Variants in PITPNC1 observed in about 807,000 individuals in gnomAD.
PITPNC1 encodes cytoplasmic phosphatidylinositol transfer protein 1.
A neutral mutation model predicts 44.7 loss-of-function variants in PITPNC1; 18 were observed. The observed-to-expected ratio is 0.40, with a 90% CI of 0.28 to 0.60. The LOEUF (loss-of-function observed/expected upper bound fraction) is 0.60, where lower values mean the gene tolerates loss of function less well. Ranked by LOEUF, PITPNC1 falls within the 20% of genes least tolerant of loss-of-function variation. The pLI is 0.39. For missense variants in PITPNC1, 290 were observed against 418.4 expected (o/e 0.69, Z 2.68); for synonymous variants, 141 against 149.6 (o/e 0.94, Z 0.42).
chr17:67,490,964 G>A (rs1325760369), intron 1 of PITPNC1, among the ~76,000 whole-genome samples: 2 of 152,174 alleles, frequency 1.3e-5, no homozygotes, highest in Admixed American at 6.5e-5. Flanking sequence ...GTTTTGTTTT[G>A]TTTTGTTTTC....
intron 6 of PITPNC1, among the ~76,000 whole-genome samples, chr17:67,633,635 C>T (rs951738104): frequency 6.6e-6 from 1 of 152,270 alleles, no homozygotes; most frequent in Non-Finnish European, 1.5e-5. Flanking sequence ...ACGCTCCCTA[C>T]GTAACTGTGG....
chr17:67,614,002 C>A (rs1474423763), intron 5 of PITPNC1, among the ~76,000 whole-genome samples: 1 of 149,416 alleles, frequency 6.7e-6, no homozygotes, highest in East Asian at 2.0e-4. Flanking sequence ...GGGAGGATCA[C>A]CTGAGCCTAG....
Position 67,694,974 on chromosome 17 carries a change from T to C in PITPNC1, c.*2086T>C, listed in dbSNP as rs2042987072. 6.6e-6 allele frequency: 1 copy of C among 152,244 alleles called. No individual in the cohort carries two copies. Among genetic ancestry groups the C allele is most frequent in the African/African-American group, 2.4e-5 (1 of 41,466 alleles). The allele number at this position is 152,244 out of a possible 1,614,324, so 9.4% of individuals were successfully genotyped here. ...GAATGTATTTATTTTGTGCAGGCTG[T>C]TAAACACATCTGGCACCTAGTTTTT... On this transcript the variant is annotated 3_prime_UTR_variant, in exon 9 of 9. Transcript: ENST00000581322.
chr17:67,477,241 CTTTTTTTTTTTT>C (rs3052411), intron 1 of PITPNC1, among the ~76,000 whole-genome samples: 3 of 97,014 alleles, frequency 3.1e-5, no homozygotes, highest in Non-Finnish European at 5.9e-5. Context: ...ACACCCAGCT[CTTTTTTTTTTTT>C]TTTTTTTTTT....
intron 2 of PITPNC1, among the ~76,000 whole-genome samples, chr17:67,544,207 G>T (rs1237533337): frequency 6.6e-6 from 1 of 152,148 alleles, no homozygotes; most frequent in African/African-American, 2.4e-5. Context: ...GCCTTGACAC[G>T]TCTTCAAAAA....
At chr17:67,584,063 C>T (rs2041277733) in intron 5 of PITPNC1, among the ~76,000 whole-genome samples, 2 of 151,786 alleles carry the variant, frequency 1.3e-5, no homozygotes, top group Admixed American at 1.3e-4. Flanking sequence ...TACAGTTCCC[C>T]CAGGTGAATC....
intron 5 of PITPNC1, among the ~76,000 whole-genome samples, chr17:67,583,094 G>A (rs1365117074): frequency 1.3e-5 from 2 of 152,158 alleles, no homozygotes; most frequent in African/African-American, 2.4e-5. Flanking sequence ...GGTCCTGGGC[G>A]CAGGCTGGTC....
chr17:67,503,867 A>G (rs2040067765), intron 1 of PITPNC1, among the ~76,000 whole-genome samples: 1 of 152,206 alleles, frequency 6.6e-6, no homozygotes, highest in African/African-American at 2.4e-5. Context: ...AGTTCAGTTA[A>G]TGAAAACACA....
chr17:67,419,480 G>C (rs557826496), intron 1 of PITPNC1, among the ~76,000 whole-genome samples: 2 of 152,132 alleles, frequency 1.3e-5, no homozygotes, highest in Non-Finnish European at 2.9e-5. Context: ...TTTAATGTAA[G>C]AGCTGGCCCG....
Position 67,619,291 on chromosome 17 carries a change from G to A in PITPNC1, c.367-12852G>A, listed in dbSNP as rs1318801172. Among the ~76,000 whole-genome samples, 5 of 152,218 alleles carry A rather than the reference G, an allele frequency of 3.3e-5. No individual in the cohort carries two copies. The East Asian group carries it at 9.7e-4, about 29-fold the overall frequency. On this transcript the variant is annotated intron_variant, in intron 5 of 8. Coordinates refer to ENST00000581322, the MANE Select transcript of PITPNC1 (RefSeq NM_012417.4). The stretch of plus-strand genomic sequence containing the variant: ...AAACTCCTATCTTGCCAGCCTTCTT[G>A]GCAAAGAGTTCTATCTGGAAGTTTA...
chr17:67,480,058 A>G (rs1028808900), intron 1 of PITPNC1, among the ~76,000 whole-genome samples: 6 of 152,182 alleles, frequency 3.9e-5, no homozygotes, highest in Non-Finnish European at 8.8e-5. Flanking sequence ...GCAGGCAACA[A>G]GTTTCACTAC....
chr17:67,480,973 G>C (rs1366989055), intron 1 of PITPNC1, among the ~76,000 whole-genome samples: 1 of 152,202 alleles, frequency 6.6e-6, no homozygotes, highest in South Asian at 2.1e-4. Context: ...TTGGGAGGCT[G>C]AGGTGGGCGG....
At chr17:67,520,243 C>G (rs1006080938) in intron 1 of PITPNC1, among the ~76,000 whole-genome samples, 2 of 152,104 alleles carry the variant, frequency 1.3e-5, no homozygotes, top group African/African-American at 4.8e-5. Context: ...CTCTCTGCTG[C>G]GAACATCTCT....
intron 1 of PITPNC1, among the ~76,000 whole-genome samples, chr17:67,487,540 C>T (rs976984314): frequency 6.6e-6 from 1 of 152,138 alleles, no homozygotes; most frequent in East Asian, 1.9e-4. Flanking sequence ...AAGAAACAAG[C>T]GAGTGTTTCT....
At chr17:67,396,956 C>G (rs960011664) in intron 1 of PITPNC1, among the ~76,000 whole-genome samples, 8 of 151,896 alleles carry the variant, frequency 5.3e-5, no homozygotes, top group Non-Finnish European at 1.0e-4. Context: ...CACCTGGCAA[C>G]CATCTTATTT....
intron 5 of PITPNC1, among the ~76,000 whole-genome samples, chr17:67,616,667 T>C (rs1219614202): frequency 6.6e-6 from 1 of 152,160 alleles, no homozygotes; most frequent in Non-Finnish European, 1.5e-5. Flanking sequence ...GGTTTGCTGG[T>C]GCTCTTTTTA....
At chr17:67,570,833 CCTG>C (rs924299805) in intron 4 of PITPNC1, among the ~76,000 whole-genome samples, 2 of 151,290 alleles carry the variant, frequency 1.3e-5, no homozygotes, top group Non-Finnish European at 2.9e-5. Flanking sequence ...GGGTTAGGTG[CCTG>C]CTGCTGCATC....
At chr17:67,573,417 T>G (rs2041089914) in intron 4 of PITPNC1, among the ~76,000 whole-genome samples, 1 of 151,946 alleles carries the variant, frequency 6.6e-6, no homozygotes, top group Non-Finnish European at 1.5e-5. Flanking sequence ...CTGCTCAGGA[T>G]GGAGGAGTTG....
chr17:67,512,373 T>A (rs912930689), intron 1 of PITPNC1, among the ~76,000 whole-genome samples: 1 of 151,954 alleles, frequency 6.6e-6, no homozygotes, highest in Non-Finnish European at 1.5e-5. Context: ...TGATGATGGG[T>A]GCCTGTAATC....
Sources: gnomAD v4.1 joint callset for allele counts (sites outside exome capture counted in the v4.1 genomes callset) on GRCh38, gnomAD v4.1.1 for gene constraint, MANE v1.5 for transcripts, NCBI Gene and HGNC (gene_info 2026-07-23, HGNC 2026-07-21) for gene names.